XKR4: variants seen among roughly 807,000 people sequenced by gnomAD.
XKR4 encodes XK related 4, also known as XK-related protein 4.
A neutral mutation model predicts 53.9 loss-of-function variants in XKR4; 12 were observed. The ratio of observed to expected loss-of-function variants is 0.22; its 90% CI spans 0.14 to 0.36. XKR4 has a LOEUF of 0.36. Ranked by LOEUF, XKR4 falls within the 10% of genes least tolerant of loss-of-function variation. The pLI, the probability that XKR4 is intolerant of heterozygous loss-of-function variation, is 1.00. For missense variants in XKR4, 799 were observed against 859.5 expected, an observed-to-expected ratio of 0.93 and a Z score of 0.88; for synonymous variants, 354 against 362.4, an observed-to-expected ratio of 0.98 and a Z score of 0.26.
At chr8:55,361,084 G>A (rs920401081) in intron 2 of XKR4, among the ~76,000 whole-genome samples, 1 of 152,192 alleles carries the variant, frequency 6.6e-6, no homozygotes, top group African/African-American at 2.4e-5. Context: ...TACTCTCCAC[G>A]GGATCTGGGA....
intron 2 of XKR4, among the ~76,000 whole-genome samples, chr8:55,475,547 G>C (rs990058252): frequency 2.0e-5 from 3 of 151,810 alleles, no homozygotes; most frequent in Non-Finnish European, 4.4e-5. Flanking sequence ...CTACTGAATA[G>C]CTGGGACTAT....
rs1389897546 is a variant in XKR4 at position 55,194,289 on chromosome 8, TC to T, written c.806+90998del. Among the ~76,000 whole-genome samples, 3 of 152,162 alleles carry T rather than the reference TC, an allele frequency of 2.0e-5. No homozygotes were observed. The East Asian group carries it at 5.8e-4, about 29-fold the overall frequency. ...ACGTTCCTGAAATATTTTTGTCAGC[TC>T]CCATGAACCCTGACTACGACTGGCC... On this transcript the variant is annotated intron_variant, in intron 1 of 2. Coordinates refer to ENST00000327381, the MANE Select transcript of XKR4 (RefSeq NM_052898.2).
chr8:55,233,591 C>T (rs942932689), intron 1 of XKR4, among the ~76,000 whole-genome samples: 1 of 152,258 alleles, frequency 6.6e-6, no homozygotes, highest in Non-Finnish European at 1.5e-5. Context: ...GGCCATGAGG[C>T]CTGCCACACT....
chr8:55,455,490 G>A (rs1805556706), intron 2 of XKR4, among the ~76,000 whole-genome samples: 1 of 152,150 alleles, frequency 6.6e-6, no homozygotes, highest in Admixed American at 6.5e-5. Flanking sequence ...AGAGGGGGCT[G>A]GCTCAATTGG....
At chr8:55,301,439 A>G (rs986065096) in intron 1 of XKR4, among the ~76,000 whole-genome samples, 2 of 151,962 alleles carry the variant, frequency 1.3e-5, no homozygotes, top group African/African-American at 4.8e-5. Context: ...TATTGTGAAT[A>G]GTGCCGCAAT....
intron 2 of XKR4, among the ~76,000 whole-genome samples, chr8:55,437,368 A>G (rs1431232155): frequency 6.6e-6 from 1 of 152,112 alleles, no homozygotes; most frequent in African/African-American, 2.4e-5. Context: ...TTCTACCCCA[A>G]ATCAGATTTA....
chr8:55,320,865 G>A (rs917732242), intron 1 of XKR4, among the ~76,000 whole-genome samples: 7 of 152,030 alleles, frequency 4.6e-5, no homozygotes, highest in Non-Finnish European at 8.8e-5. Flanking sequence ...AGTTTTTTAT[G>A]TATTGGTGTG....
chr8:55,204,455 G>C (rs753052414), intron 1 of XKR4, among the ~76,000 whole-genome samples: 13 of 151,936 alleles, frequency 8.6e-5, no homozygotes, highest in Non-Finnish European at 1.5e-4. Context: ...TGATATTTTG[G>C]ATAAATTCTG....
rs377686740 is a variant in XKR4, at chr8:55,449,723, A to G, written c.1007-73558A>G. On this transcript the variant is annotated intron_variant, in intron 2 of 2. Transcript: ENST00000327381. Reference sequence around the variant, plus strand: ...GATGACACCCTTGCACTCAGTGTCCACACGGTGGTCGTAGTAGCGTAGCTG... The same window carrying G: ...GATGACACCCTTGCACTCAGTGTCCGCACGGTGGTCGTAGTAGCGTAGCTG... The G allele has an allele frequency of 1.4e-4, 132 of 921,550 alleles. No individual in the cohort carries two copies. In the African/African-American group the frequency reaches 1.8e-3, roughly 13 times the overall value. 57.1% of individuals were successfully genotyped at this position (921,550 alleles called of 1,614,324 possible).
At position 55,524,399 on chromosome 8, in the gene XKR4, A is replaced by C; in HGVS notation, c.*172A>C. ...GCTGGGGGCGGCTGGTCTCCTTCCA[A>C]AGCAGCTGCACCCGAGAGTCTCTGA... On this transcript the variant is annotated 3_prime_UTR_variant, in exon 3 of 3. Transcript: ENST00000327381. 1.5e-6 allele frequency: 1 copy of C among 653,252 alleles called. No homozygotes were observed. The highest frequency in any genetic ancestry group is 2.0e-5 in the South Asian group (1 of 49,638). 40.5% of individuals were successfully genotyped at this position (653,252 alleles called of 1,614,324 possible). A position where few individuals can be genotyped will look rare whatever the true frequency, so the allele number is the denominator to read the frequency against.
At chr8:55,507,667 A>T (rs1205701693) in intron 2 of XKR4, among the ~76,000 whole-genome samples, 1 of 152,106 alleles carries the variant, frequency 6.6e-6, no homozygotes, top group Non-Finnish European at 1.5e-5. Flanking sequence ...GTCCCTGCAA[A>T]GGACATGAAC....
intron 2 of XKR4, chr8:55,450,106 C>T (rs1238612691): frequency 2.8e-6 from 2 of 708,160 alleles, no homozygotes; most frequent in Non-Finnish European, 5.2e-6. Flanking sequence ...GGTGTCCTTC[C>T]AGCGCTTAGC....
intron 1 of XKR4, among the ~76,000 whole-genome samples, chr8:55,237,666 G>T (rs1276449594): frequency 6.6e-6 from 1 of 152,182 alleles, no homozygotes; most frequent in African/African-American, 2.4e-5. Flanking sequence ...TGAGCAGAGG[G>T]TCTAATGTAT....
rs1807071639 is a variant in XKR4 at position 55,539,374 on chromosome 8, A to G, written c.*15147A>G. ...CTTAAAAACACAAAATGGGTTTCAG[A>G]AAGTTTACCTTGAGAAGTGGGTTTG... On this transcript the variant is annotated 3_prime_UTR_variant, in exon 3 of 3. Coordinates refer to ENST00000327381, the MANE Select transcript of XKR4 (RefSeq NM_052898.2). 1 of 152,186 alleles carries G rather than the reference A, an allele frequency of 6.6e-6. No individual in the cohort carries two copies. The highest frequency in any genetic ancestry group is 2.4e-5 in the African/African-American group (1 of 41,442). 9.4% of individuals were successfully genotyped at this position (152,186 alleles called of 1,614,324 possible).
intron 2 of XKR4, among the ~76,000 whole-genome samples, chr8:55,360,189 T>C (rs1043381904): frequency 5.9e-5 from 9 of 152,200 alleles, no homozygotes; most frequent in African/African-American, 2.2e-4. Context: ...GGTGGGTAGA[T>C]GGTTGTGTTA....
At chr8:55,297,323 C>T (rs891810807) in intron 1 of XKR4, among the ~76,000 whole-genome samples, 3 of 152,118 alleles carry the variant, frequency 2.0e-5, no homozygotes, top group East Asian at 1.9e-4. Context: ...TTAAATTTGG[C>T]GATCAAATTA....
chr8:55,405,581 G>T (rs1220198120), intron 2 of XKR4, among the ~76,000 whole-genome samples: 1 of 152,124 alleles, frequency 6.6e-6, no homozygotes, highest in Non-Finnish European at 1.5e-5. Context: ...TCTAAGCAGG[G>T]AACAGCCTGC....
intron 1 of XKR4, among the ~76,000 whole-genome samples, chr8:55,286,398 T>C (rs1188473585): frequency 6.6e-6 from 1 of 152,170 alleles, no homozygotes; most frequent in Non-Finnish European, 1.5e-5. Flanking sequence ...CCCTTCCTCA[T>C]GTGAATGTCA....
intron 1 of XKR4, among the ~76,000 whole-genome samples, chr8:55,163,264 C>T (rs1051736973): frequency 6.6e-6 from 1 of 152,190 alleles, no homozygotes; most frequent in African/African-American, 2.4e-5. Context: ...TTATTAGCTA[C>T]TTGCTTTTAA....
Sources: gnomAD v4.1 joint callset for allele counts (sites outside exome capture counted in the v4.1 genomes callset) on GRCh38, gnomAD v4.1.1 for gene constraint, MANE v1.5 for transcripts, NCBI Gene and HGNC (gene_info 2026-07-23, HGNC 2026-07-21) for gene names.